KCP: variants seen among roughly 807,000 people sequenced by gnomAD.
KCP encodes the protein kielin/chordin-like protein.
KCP carries 194 observed loss-of-function variants against 212.7 expected under a neutral mutation model. The ratio of observed to expected loss-of-function variants is 0.91; its 90% CI spans 0.81 to 1.03. The LOEUF (loss-of-function observed/expected upper bound fraction) is 1.03. Among genes scored for constraint, KCP ranks in the 50% least tolerant of loss-of-function variants. The pLI, the probability that KCP is intolerant of heterozygous loss-of-function variation, is 0.00. For missense variants in KCP, 2,080 were observed against 2,162.5 expected (o/e 0.96, Z 0.76); for synonymous variants, 833 against 865.3 (o/e 0.96, Z 0.65).
rs984874575 is a variant in KCP, at chr7:128,893,355, G to C, written c.1185+36C>G. 7.7e-6 allele frequency: 12 copies of C among 1,551,264 alleles called. No homozygotes were observed. The East Asian group carries it at 2.9e-4, about 38-fold the overall frequency. On this transcript the variant is annotated intron_variant, in intron 12 of 39. Transcript: ENST00000610776. ...AGCAGGTGAGACACCCTGAAGGAAT[G>C]AGGCAGATCTGGGTGTGAGCGGAGG... is the stretch of plus-strand genomic sequence containing the variant.
chr7:128,889,123 G>T, intron 21 of KCP, 84 bp from the exon 22 acceptor site: 2 of 1,047,624 alleles, frequency 1.9e-6, no homozygotes, highest in Non-Finnish European at 2.6e-6. Context: ...GCTTGGGCCT[G>T]TTATGCATCC....
chr7:128,902,979 G>A, intron 7 of KCP, 120 bp from the exon 8 acceptor site: 3 of 732,610 alleles, frequency 4.1e-6, no homozygotes, highest in Non-Finnish European at 7.0e-6. Flanking sequence ...GCCAAGACTA[G>A]ATGGGGTCAG....
intron 6 of KCP, 39 bp downstream of exon 6, chr7:128,904,017 G>A (rs1794996055): frequency 5.9e-6 from 9 of 1,517,778 alleles, no homozygotes; most frequent in East Asian, 4.9e-5. Context: ...GGTGTCCAGG[G>A]AGGTGCAGGG....
Position 128,877,132 on chromosome 7 carries a change from G to C in KCP, c.4798C>G (p.Pro1600Ala). ...LVEHEAHCIP[P>A]EACPQVLLTG... ...AGCAGGACTTGGGGGCAGGCCTCGG[G>C]TGGGATGCAGTGGGCCTCATGCTCC... The change falls in exon 40 of 40, where the codon CCC (proline) becomes GCC (alanine). Residue 1600 changes from proline (P) to alanine (A), a missense_variant. Coordinates refer to ENST00000610776, the MANE Select transcript of KCP (RefSeq NM_001366122.1). The C allele has an allele frequency of 6.6e-7, 1 of 1,508,158 alleles. No individual in the cohort carries two copies. Among genetic ancestry groups the C allele is most frequent in the Non-Finnish European group, 8.9e-7 (1 of 1,129,870 alleles). 93.4% of individuals were successfully genotyped at this position (1,508,158 alleles called of 1,614,324 possible). A position where few individuals can be genotyped will look rare whatever the true frequency, so the allele number is the denominator to read the frequency against.
intron 29 of KCP, 65 bp downstream of exon 29, chr7:128,883,937 G>A: frequency 6.7e-7 from 1 of 1,500,376 alleles, no homozygotes. Flanking sequence ...GACTGGTGAG[G>A]AAGGGCGGCA....
At position 128,893,333 on chromosome 7, in the gene KCP, A is replaced by G; in HGVS notation, c.1186-14T>C. On this transcript the variant is annotated splice_polypyrimidine_tract_variant and intron_variant, in intron 12 of 39. Transcript: ENST00000610776. Reference sequence around the variant, plus strand: ...GACCTCGCCAGCCTAGGAGGGAAGCAGGTGAGACACCCTGAAGGAATGAGG... The same window carrying G: ...GACCTCGCCAGCCTAGGAGGGAAGCGGGTGAGACACCCTGAAGGAATGAGG... 3 of 1,551,582 alleles carry G rather than the reference A, an allele frequency of 1.9e-6. No individual in the cohort carries two copies. Among genetic ancestry groups the G allele is most frequent in the South Asian group, 2.4e-5 (2 of 84,062 alleles).
At position 128,894,178 on chromosome 7, in the gene KCP, T is replaced by C. The variant is rs73461516; in HGVS notation, c.925+22A>G. 39,280 of 1,514,146 alleles carry C rather than the reference T, an allele frequency of 0.026. 4,606 individuals carry two copies. In the African/African-American group the frequency reaches 0.34, roughly 13 times the overall value. 93.8% of individuals were successfully genotyped at this position (1,514,146 alleles called of 1,614,324 possible). A position where few individuals can be genotyped will look rare whatever the true frequency, so the allele number is the denominator to read the frequency against. ...CCAGGTTGCCCACCATGGTCAGGCC[T>C]CTGCCCTACCCACTGACTCACCATC... On this transcript the variant is annotated intron_variant, in intron 9 of 39. Transcript: ENST00000610776.
intron 22 of KCP, among the ~76,000 whole-genome samples, chr7:128,887,633 A>G (rs1306995890): frequency 6.7e-6 from 1 of 148,934 alleles, no homozygotes; most frequent in African/African-American, 2.5e-5. Context: ...ACAGCCACAC[A>G]CACATACATA....
chr7:128,893,199 A>G (rs1794286895), intron 13 of KCP, 39 bp downstream of exon 13: 1 of 1,537,454 alleles, frequency 6.5e-7, no homozygotes, highest in Non-Finnish European at 8.8e-7. Flanking sequence ...CCTCAGAGGC[A>G]GCGCCCATAG....
rs1793215095 is a variant in KCP, at chr7:128,879,897, G to A, written c.3932+16C>T. On this transcript the variant is annotated intron_variant, in intron 35 of 39. Transcript: ENST00000610776. ...GGGTGTAGGGGTTGGGGAGAAGAGAGACAGGGGATGCACACCTGAAGTCCC... is the reference window on the plus strand; with the variant it reads ...GGGTGTAGGGGTTGGGGAGAAGAGAAACAGGGGATGCACACCTGAAGTCCC... 1 of 1,551,124 alleles carries A rather than the reference G, an allele frequency of 6.4e-7. No homozygotes were observed. The highest frequency in any genetic ancestry group is 1.4e-5 in the African/African-American group (1 of 73,042).
Position 128,891,808 on chromosome 7 carries a change from C to T in KCP, c.1633G>A (p.Glu545Lys). The change falls in exon 17 of 40, where the codon GAG becomes AAG. Residue 545 changes from glutamate (E) to lysine (K), a missense_variant. Coordinates refer to ENST00000610776, the MANE Select transcript of KCP (RefSeq NM_001366122.1). ...TCGCCGTCCACAAACACCTCTTCCT[C>T]CAGGATGCAGTCTGGGCAGTGGATG... ...CCPRCPDCIL[E>K]EEVFVDGESF... is the part of the protein sequence containing the mutation. The T allele has an allele frequency of 6.9e-7, 1 of 1,448,126 alleles. No individual in the cohort carries two copies. The highest frequency in any genetic ancestry group is 1.4e-5 in the African/African-American group (1 of 69,440). 89.7% of individuals were successfully genotyped at this position (1,448,126 alleles called of 1,614,324 possible).
chr7:128,881,866 G>T, intron 30 of KCP, 71 bp downstream of exon 30: 1 of 1,455,922 alleles, frequency 6.9e-7, no homozygotes, highest in Non-Finnish European at 9.4e-7. Flanking sequence ...CTGCGGGAGA[G>T]GAGTGGCAGC....
At chr7:128,879,102 A>T in intron 37 of KCP, 1 of 350,880 alleles carries the variant, frequency 2.8e-6, no homozygotes, top group African/African-American at 2.0e-5. Context: ...GTACACCCTT[A>T]TTCTACGAAT....
chr7:128,892,758 T>C lies in KCP; in HGVS notation c.1457A>G (p.His486Arg), dbSNP rs1319656747. 3.9e-6 allele frequency: 6 copies of C among 1,551,554 alleles called. No homozygotes were observed. In the African/African-American group the frequency reaches 5.5e-5, roughly 14 times the overall value. Residue 486 changes from histidine (H) to arginine (R), a missense_variant, in exon 15 of 40, where the codon CAC becomes CGC. His to Arg is a conservative substitution (Grantham distance 29). Transcript: ENST00000610776. ...CCPSCDSCTY[H>R]SQVYANGQNF... ...CTGCCCATTGGCATACACTTGGCTG[T>C]GGTAGGTGCAGCTGTCACAGCTGGG...
At chr7:128,908,302 G>GAAAGAAAGAAAGA in intron 2 of KCP, 124 bp downstream of exon 2, 1 of 708,246 alleles carries the variant, frequency 1.4e-6, no homozygotes, top group East Asian at 3.4e-5. Context: ...AAGAAAGAAA[G>GAAAGAAAGAAAGA]AAAGGGAATT....
At position 128,903,712 on chromosome 7, in the gene KCP, G is replaced by T. The variant is rs1330470579; in HGVS notation, c.748+15C>A. 6.5e-7 allele frequency: 1 copy of T among 1,540,526 alleles called. No homozygotes were observed. On this transcript the variant is annotated intron_variant, in intron 7 of 39. Transcript: ENST00000610776. ...CTACCTGTGGCTCTACCAGGGAGGG[G>T]CCAGGGGCTCTCACCTTGGCAGGTT...
At chr7:128,884,284 T>C (rs1793510441) in intron 28 of KCP, among the ~76,000 whole-genome samples, 162 bp from the exon 29 acceptor site, 1 of 152,240 alleles carries the variant, frequency 6.6e-6, no homozygotes, top group Non-Finnish European at 1.5e-5. Flanking sequence ...CTTCTAGACG[T>C]GCTCCTCACC....
rs536038012 is a variant in KCP, at chr7:128,909,474, G to A, written c.77-906C>T. Among the ~76,000 whole-genome samples, 6 of 152,268 alleles carry A rather than the reference G, an allele frequency of 3.9e-5. No homozygotes were observed. The East Asian group carries it at 9.7e-4, about 25-fold the overall frequency. On this transcript the variant is annotated intron_variant, in intron 1 of 39. Transcript: ENST00000610776. ...GGGATTCTAGGCTAAAATTGAACTT[G>A]CTTTGTCCCAAGTTCCCTGGCTTGG... is the stretch of plus-strand genomic sequence containing the variant.
At chr7:128,891,976 GT>G (rs1794179210) in intron 16 of KCP, among the ~76,000 whole-genome samples, 157 bp from the exon 17 acceptor site, 1 of 151,620 alleles carries the variant, frequency 6.6e-6, no homozygotes, top group Non-Finnish European at 1.5e-5. Flanking sequence ...CATGTGTATC[GT>G]TGTGAGCACA....
Sources: gnomAD v4.1 joint callset for allele counts (sites outside exome capture counted in the v4.1 genomes callset) on GRCh38, gnomAD v4.1.1 for gene constraint, MANE v1.5 for transcripts, NCBI Gene and HGNC (gene_info 2026-07-23, HGNC 2026-07-21) for gene names.